CERS5: variants seen among roughly 807,000 people sequenced by gnomAD.
CERS5 encodes ceramide synthase 5.
CERS5 carries 37 observed loss-of-function variants against 58.9 expected under a neutral mutation model. The observed-to-expected ratio is 0.63, with a 90% CI of 0.48 to 0.83. The LOEUF (loss-of-function observed/expected upper bound fraction) is 0.83, where lower values mean the gene tolerates loss of function less well. Ranked by LOEUF, CERS5 falls within the 40% of genes least tolerant of loss-of-function variation. The pLI, the probability that CERS5 is intolerant of heterozygous loss-of-function variation, is 0.00. For synonymous variants in CERS5, 147 were observed against 177.8 expected, an observed-to-expected ratio of 0.83 and a Z score of 1.38; for missense variants, 398 against 489.3, an observed-to-expected ratio of 0.81 and a Z score of 1.76.
chr12:50,156,437 T>TATATATAA lies in CERS5; in HGVS notation c.197+10663_197+10664insTTATATAT, dbSNP rs1197474516. On this transcript the variant is annotated intron_variant, in intron 1 of 9. Coordinates refer to ENST00000317551, the MANE Select transcript of CERS5 (RefSeq NM_147190.5). ...CAAACAAACTATATATATATATATA[T>TATATATAA]AAAACAATTAGTAGCCAGGTGTGGT... 2.1e-3 allele frequency among the ~76,000 whole-genome samples: 226 copies of TATATATAA among 108,868 alleles called. 26 individuals are homozygous for TATATATAA. The highest frequency in any genetic ancestry group is 3.9e-3 in the Non-Finnish European group (190 of 48,638). 71.4% of individuals were successfully genotyped at this position (108,868 alleles called of 152,430 possible). A position where few individuals can be genotyped will look rare whatever the true frequency, so the allele number is the denominator to read the frequency against.
At chr12:50,143,040 TC>T (rs1473172027) in intron 3 of CERS5, 33 bp downstream of exon 3, 1 of 1,572,764 alleles carries the variant, frequency 6.4e-7, no homozygotes, top group Non-Finnish European at 8.6e-7. Context: ...CCCACCGTCT[TC>T]CTTATTCCCT....
At position 50,143,077 on chromosome 12, in the gene CERS5, C is replaced by T. The variant is rs1160610954; in HGVS notation, c.431G>A (p.Ser144Asn). 3 of 1,605,658 alleles carry T rather than the reference C, an allele frequency of 1.9e-6. No individual in the cohort carries two copies. In the Admixed American group the frequency reaches 5.1e-5, roughly 27 times the overall value. ...CCCTCCCTCCTTGCGTACTTACATG[C>T]TTTCACAGAATTTAGTAAGCGTTGG... ...KPPTLTKFCESMWRFTFYLCI... is the reference protein window; with the variant it reads ...KPPTLTKFCENMWRFTFYLCI... The change falls in exon 3 of 10, where the codon AGC becomes AAC. Residue 144 changes from serine (S) to asparagine (N), a missense_variant. Ser to Asn is a conservative substitution (Grantham distance 46). Coordinates refer to ENST00000317551, the MANE Select transcript of CERS5 (RefSeq NM_147190.5).
At chr12:50,135,315 GT>G (rs1951628347) in intron 8 of CERS5, 4 of 128,522 alleles carry the variant, frequency 3.1e-5, no homozygotes, top group East Asian at 1.2e-3. Context: ...AGGAGTGTGT[GT>G]GTGTGTGTGT....
chr12:50,159,976 C>G (rs1005033001), intron 1 of CERS5, among the ~76,000 whole-genome samples: 28 of 152,060 alleles, frequency 1.8e-4, no homozygotes, highest in African/African-American at 6.0e-4. Flanking sequence ...TTTTGTTTAA[C>G]TTGATATGTC....
chr12:50,158,396 C>A (rs1215711193), intron 1 of CERS5, among the ~76,000 whole-genome samples: 5 of 152,124 alleles, frequency 3.3e-5, no homozygotes, highest in East Asian at 1.9e-4. Context: ...TAGTTTGATA[C>A]CTTTTTATTT....
chr12:50,167,009 T>C, intron 1 of CERS5, 92 bp downstream of exon 1: 1 of 1,073,276 alleles, frequency 9.3e-7, no homozygotes, highest in Non-Finnish European at 1.3e-6. Flanking sequence ...CGGGCTTTCC[T>C]TGCAGTTCTG....
At position 50,136,003 on chromosome 12, in the gene CERS5, T is replaced by G. The variant is rs1182906963; in HGVS notation, c.703A>C (p.Asn235His). The change falls in exon 7 of 10, where the codon AAT becomes CAT. Residue 235 changes from asparagine to histidine, a missense_variant. Asn to His is a moderately conservative substitution (Grantham distance 68, BLOSUM62 1). Around this residue, in one of 3 missense-constraint regions of CERS5, gnomAD observed 328 missense variants for 384.5 expected, o/e 0.85. Transcript: ENST00000317551. Reference protein sequence around the residue: ...IGLISFSYINNMVRVGTLIMC... With the variant: ...IGLISFSYINHMVRVGTLIMC... ...ATCAGAGTTCCCACTCGAACCATAT[T>G]GTTGATGTAGGAGAAGGAGATAAGC... 38 of 1,520,272 alleles carry G rather than the reference T, an allele frequency of 2.5e-5. No individual in the cohort carries two copies. Among genetic ancestry groups the G allele is most frequent in the Non-Finnish European group, 3.3e-5 (38 of 1,137,698 alleles). The allele number at this position is 1,520,272 out of a possible 1,614,324, so 94.2% of individuals were successfully genotyped here.
intron 1 of CERS5, among the ~76,000 whole-genome samples, chr12:50,161,785 A>AAAAAAAAAAAAAG (rs1491197748): frequency 1.3e-4 from 7 of 54,168 alleles, no homozygotes; most frequent in Admixed American, 4.2e-4. Context: ...TCAAAAAAAG[A>AAAAAAAAAAAAAG]AAAAAAAAAA....
At chr12:50,139,427 G>C (rs1025124744) in intron 4 of CERS5, among the ~76,000 whole-genome samples, 7 of 152,082 alleles carry the variant, frequency 4.6e-5, no homozygotes, top group Non-Finnish European at 1.0e-4. Flanking sequence ...AGGCTGCAGT[G>C]AGCTGTGATC....
At chr12:50,138,656 T>A (rs748011669) in intron 4 of CERS5, 39 bp from the exon 5 acceptor site, 1 of 1,569,952 alleles carries the variant, frequency 6.4e-7, no homozygotes. Context: ...TCCTCAAGAT[T>A]CTCACCTGGC....
chr12:50,142,757 A>G (rs1418890617), intron 3 of CERS5, among the ~76,000 whole-genome samples: 2 of 152,196 alleles, frequency 1.3e-5, no homozygotes, highest in Non-Finnish European at 2.9e-5. Context: ...ATAGCAAGCA[A>G]GCTAGTACTC....
chr12:50,139,508 A>C (rs1384238538), intron 4 of CERS5, among the ~76,000 whole-genome samples: 4 of 148,794 alleles, frequency 2.7e-5, no homozygotes, highest in African/African-American at 9.9e-5. Context: ...AACAAAACAA[A>C]ACAGGCCAGG....
Position 50,135,844 on chromosome 12 carries a change from G to C in CERS5, c.766-6C>G. ...TAATTGGCCAGTTTGGCTGCCTGGA[G>C]AAAGGAAGAAAGAATTGAGCTGGGG... On this transcript the variant is annotated splice_polypyrimidine_tract_variant and splice_region_variant and intron_variant, in intron 7 of 9. Coordinates refer to ENST00000317551, the MANE Select transcript of CERS5 (RefSeq NM_147190.5). 6.2e-7 allele frequency: 1 copy of C among 1,611,486 alleles called. No individual in the cohort carries two copies. Among genetic ancestry groups the C allele is most frequent in the African/African-American group, 1.3e-5 (1 of 74,866 alleles).
intron 1 of CERS5, among the ~76,000 whole-genome samples, chr12:50,163,656 AT>A (rs1205196585): frequency 5.9e-5 from 9 of 151,670 alleles, no homozygotes; most frequent in Admixed American, 2.6e-4. Context: ...TATTTTATTT[AT>A]TTTTCTGAGA....
Position 50,155,597 on chromosome 12 carries a change from C to T in CERS5, c.197+11504G>A, listed in dbSNP as rs866602166. Among the ~76,000 whole-genome samples the T allele has an allele frequency of 4.0e-5, 6 of 151,520 alleles. No homozygotes were observed. In the South Asian group the frequency reaches 8.4e-4, roughly 21 times the overall value. On this transcript the variant is annotated intron_variant, in intron 1 of 9. Coordinates refer to ENST00000317551, the MANE Select transcript of CERS5 (RefSeq NM_147190.5). Reference sequence around the variant, plus strand: ...TAAAAATACAAAAAAATTAGCCAGGCGTGGTGGCAGGCGCCTGTAGTCACA... The same window carrying T: ...TAAAAATACAAAAAAATTAGCCAGGTGTGGTGGCAGGCGCCTGTAGTCACA...
chr12:50,135,119 AGAGAGAGGAGAGGGAGG>A (rs1565768152), intron 8 of CERS5, among the ~76,000 whole-genome samples: 3 of 115,574 alleles, frequency 2.6e-5, no homozygotes, highest in Non-Finnish European at 3.5e-5. Flanking sequence ...GGAGGGAGGG[AGAGAGAGGAGAGGGAGG>A]GAGAGAGAGA....
chr12:50,141,784 C>CA (rs1951981228), intron 4 of CERS5, among the ~76,000 whole-genome samples: 1 of 151,642 alleles, frequency 6.6e-6, no homozygotes, highest in Admixed American at 6.6e-5. Context: ...ACTAAAAATA[C>CA]AAAAATTAGC....
chr12:50,147,393 C>T (rs1366231928), intron 1 of CERS5: 2 of 125,736 alleles, frequency 1.6e-5, no homozygotes, highest in East Asian at 2.3e-4. Flanking sequence ...GGTAACAGAG[C>T]GAGACTCCAT....
chr12:50,132,486 G>A (rs146155738), intron 9 of CERS5, among the ~76,000 whole-genome samples: 63 of 152,238 alleles, frequency 4.1e-4, no homozygotes, highest in Non-Finnish European at 7.4e-4. Context: ...GACCTGTGTC[G>A]GACTTCTGAC....
Sources: allele counts gnomAD v4.1 joint callset (sites outside exome capture counted in the v4.1 genomes callset), GRCh38; gene constraint gnomAD v4.1.1; regional missense constraint gnomAD v4.1.1; transcripts MANE v1.5; gene names NCBI Gene and HGNC (gene_info 2026-07-23, HGNC 2026-07-21).